Variants in SSBP2 observed in about 807,000 individuals in gnomAD.
SSBP2 encodes single-stranded DNA-binding protein 2.
SSBP2 carries 17 observed loss-of-function variants against 61.8 expected under a neutral mutation model. That is an observed-to-expected ratio of 0.28 (90% CI 0.19 to 0.41). The LOEUF is 0.41. SSBP2 is among the 10% of genes least tolerant of loss of function. The pLI, the probability that SSBP2 is intolerant of heterozygous loss-of-function variation, is 1.00. For missense variants in SSBP2, 310 were observed against 458.7 expected (o/e 0.68, Z 2.96); for synonymous variants, 139 against 141.3 (o/e 0.98, Z 0.12).
At chr5:81,675,432 G>C (rs532229435) in intron 1 of SSBP2, among the ~76,000 whole-genome samples, 1 of 152,114 alleles carries the variant, frequency 6.6e-6, no homozygotes, top group African/African-American at 2.4e-5. Context: ...GTGATGTCTA[G>C]AGTTTCAGCC....
intron 1 of SSBP2, among the ~76,000 whole-genome samples, chr5:81,651,210 A>G (rs908987714): frequency 1.3e-5 from 2 of 152,092 alleles, no homozygotes; most frequent in Non-Finnish European, 2.9e-5. Context: ...CTGCTACACT[A>G]TATTTACCAA....
chr5:81,447,443 A>T (rs1171982752), intron 11 of SSBP2, among the ~76,000 whole-genome samples: 2 of 152,230 alleles, frequency 1.3e-5, no homozygotes, highest in African/African-American at 4.8e-5. Flanking sequence ...TGAGAGGCAA[A>T]GTTGACTAAT....
chr5:81,570,713 T>C (rs1403691178), intron 4 of SSBP2, among the ~76,000 whole-genome samples: 2 of 152,148 alleles, frequency 1.3e-5, no homozygotes, highest in Non-Finnish European at 2.9e-5. Context: ...CTGGAAAATA[T>C]TACATTTCCC....
chr5:81,473,287 C>A (rs1315840952), intron 8 of SSBP2, among the ~76,000 whole-genome samples: 1 of 152,110 alleles, frequency 6.6e-6, no homozygotes, highest in Non-Finnish European at 1.5e-5. Context: ...AAGTGCAGAA[C>A]GTGTAGGTTT....
intron 9 of SSBP2, among the ~76,000 whole-genome samples, chr5:81,463,814 G>C (rs1055585742): frequency 7.0e-6 from 1 of 141,992 alleles, no homozygotes; most frequent in Non-Finnish European, 1.5e-5. Flanking sequence ...TGTCACCTAG[G>C]TTGGAGTGCA....
chr5:81,723,851 C>G (rs533351429), intron 1 of SSBP2, among the ~76,000 whole-genome samples: 5 of 152,106 alleles, frequency 3.3e-5, no homozygotes, highest in African/African-American at 1.2e-4. Flanking sequence ...TCTGTTCCTA[C>G]CTATTCATTT....
chr5:81,723,321 A>G (rs1472617957), intron 1 of SSBP2, among the ~76,000 whole-genome samples: 2 of 152,010 alleles, frequency 1.3e-5, no homozygotes, highest in African/African-American at 2.4e-5. Flanking sequence ...ATTCATAATG[A>G]CCAGTTAATG....
chr5:81,633,108 C>CTT (rs143423636), intron 3 of SSBP2, among the ~76,000 whole-genome samples: 827 of 64,852 alleles, frequency 0.013, 178 homozygotes, highest in African/African-American at 0.056. Flanking sequence ...GAGCCTCTGT[C>CTT]TTTTTTTTTT....
intron 10 of SSBP2, among the ~76,000 whole-genome samples, chr5:81,452,974 A>C (rs1394967155): frequency 6.6e-6 from 1 of 151,984 alleles, no homozygotes; most frequent in African/African-American, 2.4e-5. Context: ...GCAGCCAAGA[A>C]ATGTAATTAG....
At chr5:81,676,520 C>T (rs1323682296) in intron 1 of SSBP2, among the ~76,000 whole-genome samples, 2 of 152,096 alleles carry the variant, frequency 1.3e-5, no homozygotes, top group South Asian at 2.1e-4. Context: ...GAAACCACAC[C>T]GAACAGTCCC....
intron 1 of SSBP2, among the ~76,000 whole-genome samples, chr5:81,685,747 G>A (rs1315716767): frequency 1.3e-5 from 2 of 152,134 alleles, no homozygotes; most frequent in African/African-American, 2.4e-5. Context: ...TGGGGTTCTA[G>A]ATACCTAAGC....
At chr5:81,491,218 A>T (rs569770317) in intron 5 of SSBP2, among the ~76,000 whole-genome samples, 1 of 152,370 alleles carries the variant, frequency 6.6e-6, no homozygotes, top group South Asian at 2.1e-4. Flanking sequence ...ATTAATTCAA[A>T]ATATAGTATC....
intron 6 of SSBP2, among the ~76,000 whole-genome samples, chr5:81,477,008 G>A (rs1003621564): frequency 2.0e-5 from 3 of 152,080 alleles, no homozygotes; most frequent in Admixed American, 2.0e-4. Flanking sequence ...ATGTGTGTGT[G>A]TGTGTATGTG....
At chr5:81,703,166 T>C (rs1038511095) in intron 1 of SSBP2, among the ~76,000 whole-genome samples, 1 of 152,256 alleles carries the variant, frequency 6.6e-6, no homozygotes, top group Non-Finnish European at 1.5e-5. Context: ...TAAAAACCTT[T>C]AGTGTTTACA....
At chr5:81,496,242 C>T (rs542300571) in intron 5 of SSBP2, among the ~76,000 whole-genome samples, 7 of 151,996 alleles carry the variant, frequency 4.6e-5, no homozygotes, top group East Asian at 1.9e-4. Context: ...TGCAGTGGCG[C>T]GATCTCGGCT....
chr5:81,540,561 A>C (rs1266788243), intron 4 of SSBP2, among the ~76,000 whole-genome samples: 2 of 152,132 alleles, frequency 1.3e-5, no homozygotes, highest in Non-Finnish European at 2.9e-5. Context: ...ATGTCTATTC[A>C]TATCCTCTGC....
chr5:81,636,862 T>C (rs1027831559), intron 2 of SSBP2, among the ~76,000 whole-genome samples: 2 of 152,250 alleles, frequency 1.3e-5, no homozygotes, highest in African/African-American at 4.8e-5. Flanking sequence ...TATAAAGCTC[T>C]AGTCTTTCAG....
intron 4 of SSBP2, among the ~76,000 whole-genome samples, chr5:81,614,638 T>C (rs1202075172): frequency 6.6e-6 from 1 of 152,172 alleles, no homozygotes; most frequent in Admixed American, 6.5e-5. Context: ...TTTTAGGTAC[T>C]TACTATCAGT....
intron 4 of SSBP2, among the ~76,000 whole-genome samples, chr5:81,534,980 C>G (rs1770703696): frequency 6.6e-6 from 1 of 151,940 alleles, no homozygotes; most frequent in Non-Finnish European, 1.5e-5. Context: ...CACACACACA[C>G]CCCTTACTGA....
Sources: gnomAD v4.1 joint callset for allele counts (sites outside exome capture counted in the v4.1 genomes callset) on GRCh38, gnomAD v4.1.1 for gene constraint, MANE v1.5 for transcripts, NCBI Gene and HGNC (gene_info 2026-07-23, HGNC 2026-07-21) for gene names.